GTF2F2: variants seen among roughly 807,000 people sequenced by gnomAD.
GTF2F2 encodes the protein ATP-dependent helicase GTF2F2.
GTF2F2 carries 23 observed loss-of-function variants against 42.2 expected under a neutral mutation model. The observed-to-expected ratio is 0.55, with a 90% CI of 0.39 to 0.77. The LOEUF (loss-of-function observed/expected upper bound fraction) is 0.77. Ranked by LOEUF, GTF2F2 falls within the 30% of genes least tolerant of loss-of-function variation. The pLI is 0.00. For synonymous variants in GTF2F2, 105 were observed against 100.8 expected, an observed-to-expected ratio of 1.04 and a Z score of -0.25; for missense variants, 261 against 287.2, an observed-to-expected ratio of 0.91 and a Z score of 0.66.
chr13:45,247,554 A>G (rs9595278), intron 5 of GTF2F2, among the ~76,000 whole-genome samples: 53,742 of 150,996 alleles, frequency 0.36, 12,989 homozygotes, highest in African/African-American at 0.69. Context: ...CACCACACCC[A>G]GCTAATTTTT....
At chr13:45,226,000 G>A (rs1186099033) in intron 5 of GTF2F2, among the ~76,000 whole-genome samples, 1 of 151,796 alleles carries the variant, frequency 6.6e-6, no homozygotes, top group Non-Finnish European at 1.5e-5. Flanking sequence ...TAGGAAAAAT[G>A]CATCTGTTTT....
chr13:45,251,246 A>G (rs1335001053), intron 5 of GTF2F2, among the ~76,000 whole-genome samples: 2 of 152,208 alleles, frequency 1.3e-5, no homozygotes, highest in African/African-American at 2.4e-5. Flanking sequence ...GAATTAAATA[A>G]TAGGAATGTT....
At chr13:45,167,251 T>A (rs1183786951) in intron 4 of GTF2F2, among the ~76,000 whole-genome samples, 4 of 143,464 alleles carry the variant, frequency 2.8e-5, no homozygotes, top group Non-Finnish European at 4.5e-5. Flanking sequence ...TTTTTTTTTT[T>A]AAAGATGGAG....
intron 4 of GTF2F2, among the ~76,000 whole-genome samples, chr13:45,175,870 C>T (rs1339118051): frequency 3.3e-5 from 5 of 152,142 alleles, no homozygotes; most frequent in East Asian, 1.9e-4. Flanking sequence ...GTAATCCGCC[C>T]GCCTCGGCCT....
intron 2 of GTF2F2, among the ~76,000 whole-genome samples, chr13:45,143,592 C>G (rs1735272795): frequency 6.6e-6 from 1 of 152,186 alleles, no homozygotes; most frequent in South Asian, 2.1e-4. Context: ...AGGACCTTCC[C>G]TCCCTACCAC....
intron 2 of GTF2F2, among the ~76,000 whole-genome samples, chr13:45,137,406 A>G (rs1052334726): frequency 4.6e-5 from 7 of 152,228 alleles, no homozygotes; most frequent in African/African-American, 1.7e-4. Context: ...CCATTGAAAC[A>G]GCTCTTGTCT....
intron 6 of GTF2F2, among the ~76,000 whole-genome samples, chr13:45,259,406 A>G (rs930054805): frequency 6.6e-6 from 1 of 152,058 alleles, no homozygotes; most frequent in Non-Finnish European, 1.5e-5. Flanking sequence ...AGTCTGGGCA[A>G]CAAGAGCGAA....
intron 3 of GTF2F2, 37 bp downstream of exon 3, chr13:45,149,825 GA>G (rs756940826): frequency 6.7e-7 from 1 of 1,481,498 alleles, no homozygotes; most frequent in Admixed American, 2.3e-5. Flanking sequence ...GTTAAAACTT[GA>G]GACTATCTTT....
At chr13:45,173,658 C>T (rs566105609) in intron 4 of GTF2F2, among the ~76,000 whole-genome samples, 1 of 136,076 alleles carries the variant, frequency 7.3e-6, no homozygotes, top group African/African-American at 2.7e-5. Flanking sequence ...TGCTCTGTTA[C>T]CCAGGCTGGA....
At chr13:45,229,463 T>C (rs1186641388) in intron 5 of GTF2F2, among the ~76,000 whole-genome samples, 1 of 152,148 alleles carries the variant, frequency 6.6e-6, no homozygotes, top group Non-Finnish European at 1.5e-5. Flanking sequence ...ATTATACTTA[T>C]CTCTTTAAGC....
intron 4 of GTF2F2, among the ~76,000 whole-genome samples, chr13:45,163,865 T>C (rs1310860111): frequency 6.6e-6 from 1 of 152,158 alleles, no homozygotes; most frequent in Non-Finnish European, 1.5e-5. Context: ...AAATGTAGTC[T>C]ATTGAGGGCT....
chr13:45,244,119 C>CT lies in GTF2F2; in HGVS notation c.387-8744dup, dbSNP rs1294175664. ...TTAGTGACACTGAGTTACTAGGAGT[C>CT]TTTTTTTTCAGTGTTATAAAGGAGA... On this transcript the variant is annotated intron_variant, in intron 5 of 7. Transcript: ENST00000340473. Among the ~76,000 whole-genome samples, 12 of 151,918 alleles carry CT rather than the reference C, an allele frequency of 7.9e-5. No individual in the cohort carries two copies. The South Asian group carries it at 2.3e-3, about 29-fold the overall frequency.
At chr13:45,257,118 A>G (rs1479315107) in intron 6 of GTF2F2, among the ~76,000 whole-genome samples, 2 of 152,202 alleles carry the variant, frequency 1.3e-5, no homozygotes, top group African/African-American at 4.8e-5. Context: ...TCTTGGAGCT[A>G]TTCTAAGAAT....
In GTF2F2 at chr13:45,161,404, C is replaced by T. The variant is rs191774271; in HGVS notation, c.304+9573C>T. Among the ~76,000 whole-genome samples, 5 of 152,278 alleles carry T rather than the reference C, an allele frequency of 3.3e-5. No individual in the cohort carries two copies. The East Asian group carries it at 9.6e-4, about 29-fold the overall frequency. On this transcript the variant is annotated intron_variant, in intron 4 of 7. Transcript: ENST00000340473. The stretch of plus-strand genomic sequence containing the variant: ...GGTAGTGTGAAAAGATTGCAAGCTC[C>T]ATTTTAAAATACCTGGTGAAGTGTT...
chr13:45,154,282 G>A (rs1256423009), intron 4 of GTF2F2, among the ~76,000 whole-genome samples: 1 of 152,116 alleles, frequency 6.6e-6, no homozygotes, highest in African/African-American at 2.4e-5. Flanking sequence ...CTTCTACAAA[G>A]ACAGCAATTT....
chr13:45,122,039 G>A (rs184331044), intron 1 of GTF2F2, among the ~76,000 whole-genome samples: 386 of 152,236 alleles, frequency 2.5e-3, no homozygotes, highest in South Asian at 7.5e-3. Flanking sequence ...TGGACACAGT[G>A]TATACCATGG....
At chr13:45,210,111 G>C (rs1243416510) in intron 5 of GTF2F2, among the ~76,000 whole-genome samples, 5 of 152,270 alleles carry the variant, frequency 3.3e-5, no homozygotes, top group African/African-American at 4.8e-5. Context: ...ATCTAAGTCA[G>C]ATCATGCCAT....
At chr13:45,275,609 A>G (rs1045835741) in intron 7 of GTF2F2, among the ~76,000 whole-genome samples, 2 of 151,868 alleles carry the variant, frequency 1.3e-5, no homozygotes, top group African/African-American at 4.8e-5. Context: ...AGCTTCATCC[A>G]TGTCCCTACA....
intron 7 of GTF2F2, among the ~76,000 whole-genome samples, chr13:45,274,323 C>T (rs1259128642): frequency 2.2e-4 from 23 of 102,416 alleles, no homozygotes; most frequent in African/African-American, 3.4e-4. Context: ...ACAAATTATA[C>T]TTTTTTTTTT....
Sources: allele counts gnomAD v4.1 joint callset (sites outside exome capture counted in the v4.1 genomes callset), GRCh38; gene constraint gnomAD v4.1.1; transcripts MANE v1.5; gene names NCBI Gene and HGNC (gene_info 2026-07-23, HGNC 2026-07-21).